CDH4: variants seen among roughly 807,000 people sequenced by gnomAD.
CDH4 encodes cadherin-4.
In CDH4, 33 loss-of-function variants were observed where a neutral mutation model predicts 86.0. That is an observed-to-expected ratio of 0.38 (90% CI 0.29 to 0.51). The LOEUF (loss-of-function observed/expected upper bound fraction) is 0.51. Among genes scored for constraint, CDH4 ranks in the 20% least tolerant of loss-of-function variants. The pLI, the probability that CDH4 is intolerant of heterozygous loss-of-function variation, is 0.86. For missense variants in CDH4, 1,114 were observed against 1,307.4 expected (o/e 0.85, Z 2.28); for synonymous variants, 555 against 549.4 (o/e 1.01, Z -0.14).
chr20:61,314,471 C>T (rs1645536503), intron 2 of CDH4, among the ~76,000 whole-genome samples: 2 of 152,180 alleles, frequency 1.3e-5, no homozygotes, highest in Non-Finnish European at 2.9e-5. Context: ...GATTACTAGT[C>T]CCTTGTGTGT....
chr20:61,933,664 C>G (rs1042756307), intron 14 of CDH4, among the ~76,000 whole-genome samples: 2 of 147,062 alleles, frequency 1.4e-5, no homozygotes, highest in Non-Finnish European at 3.0e-5. Context: ...GGAGGCCCAG[C>G]TCCTGGCCAC....
intron 2 of CDH4, among the ~76,000 whole-genome samples, chr20:61,689,548 G>A (rs1266574194): frequency 4.3e-5 from 4 of 92,714 alleles, no homozygotes; most frequent in African/African-American, 1.8e-4. Context: ...TGTGGAATTG[G>A]GCTGGGACAG....
chr20:61,470,895 C>G (rs1332958012), intron 2 of CDH4, among the ~76,000 whole-genome samples: 1 of 152,114 alleles, frequency 6.6e-6, no homozygotes, highest in Non-Finnish European at 1.5e-5. Context: ...ACCACTTGAT[C>G]ATGATGAATT....
intron 2 of CDH4, among the ~76,000 whole-genome samples, chr20:61,279,197 G>A (rs1005446449): frequency 7.9e-5 from 12 of 152,184 alleles, no homozygotes; most frequent in South Asian, 2.1e-4. Flanking sequence ...ATTCTACGTG[G>A]TGGGCAGAGC....
intron 2 of CDH4, among the ~76,000 whole-genome samples, chr20:61,459,053 C>A (rs1393708860): frequency 6.6e-6 from 1 of 151,974 alleles, no homozygotes; most frequent in Non-Finnish European, 1.5e-5. Context: ...TCCACACCTC[C>A]CCCTGGCTGT....
intron 6 of CDH4, among the ~76,000 whole-genome samples, chr20:61,866,734 G>A (rs913187617): frequency 3.3e-5 from 5 of 152,198 alleles, no homozygotes; most frequent in Non-Finnish European, 7.3e-5. Flanking sequence ...CCCGGTGAGC[G>A]TGTGCTAGTT....
chr20:61,831,729 G>A (rs1981626003), intron 4 of CDH4, among the ~76,000 whole-genome samples: 1 of 152,234 alleles, frequency 6.6e-6, no homozygotes, highest in South Asian at 2.1e-4. Context: ...CGGGGTGGGG[G>A]GACAGGGATT....
chr20:61,577,359 T>G (rs766065148), intron 2 of CDH4, among the ~76,000 whole-genome samples: 2 of 152,012 alleles, frequency 1.3e-5, no homozygotes, highest in Non-Finnish European at 2.9e-5. Flanking sequence ...AGTGGATGTT[T>G]TGTGTGTTGA....
intron 2 of CDH4, among the ~76,000 whole-genome samples, chr20:61,336,076 A>G (rs1327960868): frequency 1.3e-5 from 2 of 152,146 alleles, no homozygotes; most frequent in Non-Finnish European, 2.9e-5. Context: ...GAGAAGGTGC[A>G]GATATGATCA....
At chr20:61,396,088 G>C (rs1394936750) in intron 2 of CDH4, among the ~76,000 whole-genome samples, 1 of 152,160 alleles carries the variant, frequency 6.6e-6, no homozygotes, top group Non-Finnish European at 1.5e-5. Flanking sequence ...AGGCCCATCC[G>C]TCGTGCCGTC....
intron 2 of CDH4, among the ~76,000 whole-genome samples, chr20:61,552,196 G>A (rs1357463758): frequency 2.0e-5 from 3 of 152,146 alleles, no homozygotes; most frequent in East Asian, 3.8e-4. Flanking sequence ...AAAGGCCATA[G>A]CATGACAGAA....
chr20:61,553,053 T>G (rs2086146271), intron 2 of CDH4, among the ~76,000 whole-genome samples: 1 of 152,204 alleles, frequency 6.6e-6, no homozygotes, highest in Admixed American at 6.5e-5. Flanking sequence ...GTCCATCACC[T>G]GAAAAGTAGA....
intron 2 of CDH4, among the ~76,000 whole-genome samples, chr20:61,259,915 A>T (rs1246111117): frequency 6.6e-6 from 1 of 152,052 alleles, no homozygotes; most frequent in Non-Finnish European, 1.5e-5. Flanking sequence ...TCTTCCTCCT[A>T]CCTGGAACTC....
intron 4 of CDH4, among the ~76,000 whole-genome samples, chr20:61,821,062 C>T (rs1601022552): frequency 1.3e-5 from 2 of 151,090 alleles, no homozygotes; most frequent in Admixed American, 6.6e-5. Context: ...CCCCTGCCAG[C>T]TCCCACTCCC....
chr20:61,841,066 C>T (rs1982142351), intron 4 of CDH4, among the ~76,000 whole-genome samples: 1 of 152,228 alleles, frequency 6.6e-6, no homozygotes, highest in Admixed American at 6.5e-5. Flanking sequence ...AGTGAATCTA[C>T]AACCCATCCT....
At chr20:61,915,987 A>G (rs2054899755) in intron 9 of CDH4, among the ~76,000 whole-genome samples, 1 of 152,114 alleles carries the variant, frequency 6.6e-6, no homozygotes, top group African/African-American at 2.4e-5. Flanking sequence ...GGAGAACCAC[A>G]CTTTTTCTTT....
chr20:61,436,877 C>T (rs1412069872), intron 2 of CDH4, among the ~76,000 whole-genome samples: 1 of 152,198 alleles, frequency 6.6e-6, no homozygotes, highest in Non-Finnish European at 1.5e-5. Flanking sequence ...TCCAATCTCT[C>T]AGGAAATTCC....
intron 3 of CDH4, among the ~76,000 whole-genome samples, chr20:61,747,091 G>A (rs1340406717): frequency 1.3e-5 from 2 of 152,188 alleles, no homozygotes; most frequent in African/African-American, 2.4e-5. Context: ...TCATGACTGG[G>A]CACATGAGGA....
At chr20:61,448,278 TTA>T (rs2085363083) in intron 2 of CDH4, among the ~76,000 whole-genome samples, 1 of 152,230 alleles carries the variant, frequency 6.6e-6, no homozygotes, top group African/African-American at 2.4e-5. Flanking sequence ...GAAGGTGCTT[TTA>T]TAGTTTCCAT....
Sources: gnomAD v4.1 joint callset for allele counts (sites outside exome capture counted in the v4.1 genomes callset) on GRCh38, gnomAD v4.1.1 for gene constraint, MANE v1.5 for transcripts, NCBI Gene and HGNC (gene_info 2026-07-23, HGNC 2026-07-21) for gene names.